The following FAP variants were observed in gnomAD, a reference collection of about 807,000 sequenced individuals.
The protein encoded by FAP is fibroblast activation protein alpha.
A neutral mutation model predicts 126.5 loss-of-function variants in FAP; 110 were observed. The observed-to-expected ratio is 0.87, with a 90% CI of 0.74 to 1.02. FAP has a LOEUF of 1.02. FAP is among the 50% of genes least tolerant of loss of function. The pLI is 0.00. For missense variants in FAP, 919 were observed against 909.2 expected, an observed-to-expected ratio of 1.01 and a Z score of -0.14; for synonymous variants, 334 against 297.3, an observed-to-expected ratio of 1.12 and a Z score of -1.27.
intron 16 of FAP, chr2:162,198,535 C>T (rs1389691379): frequency 2.8e-6 from 2 of 722,196 alleles, no homozygotes; most frequent in African/African-American, 1.8e-5. Flanking sequence ...GACCTTTTGG[C>T]AAGTTACCCT....
intron 8 of FAP, 120 bp from the exon 9 acceptor site, chr2:162,218,260 G>A (rs1249292902): frequency 3.1e-6 from 2 of 646,070 alleles, no homozygotes; most frequent in African/African-American, 1.9e-5. Context: ...TGTGACATAT[G>A]TCATACTTTG....
chr2:162,183,589 C>A, intron 20 of FAP, 121 bp from the exon 21 acceptor site: 1 of 663,990 alleles, frequency 1.5e-6, no homozygotes, highest in South Asian at 1.8e-5. Context: ...TGTTTAAACA[C>A]ATGCATAATA....
intron 17 of FAP, chr2:162,193,723 A>G (rs1339876761): frequency 6.6e-6 from 1 of 152,194 alleles, no homozygotes. Flanking sequence ...TCACAGTCCC[A>G]TTATCACAAT....
intron 2 of FAP, among the ~76,000 whole-genome samples, chr2:162,230,520 T>C (rs1411250806): frequency 5.3e-5 from 8 of 152,050 alleles, no homozygotes; most frequent in African/African-American, 1.9e-4. Flanking sequence ...TCAATAAATA[T>C]TTGCTGAATT....
intron 21 of FAP, among the ~76,000 whole-genome samples, chr2:162,181,251 T>C (rs1044750714): frequency 1.3e-5 from 2 of 151,900 alleles, no homozygotes; most frequent in African/African-American, 4.8e-5. Context: ...CACTCCAGCC[T>C]GGGCAACAGA....
At chr2:162,192,434 G>A (rs1222319623) in intron 17 of FAP, among the ~76,000 whole-genome samples, 2 of 151,758 alleles carry the variant, frequency 1.3e-5, no homozygotes, top group Admixed American at 1.3e-4. Flanking sequence ...CCCTCCTTCT[G>A]TTCCTTCTTG....
At chr2:162,227,460 A>G (rs533684084) in intron 2 of FAP, among the ~76,000 whole-genome samples, 1 of 152,290 alleles carries the variant, frequency 6.6e-6, no homozygotes, top group South Asian at 2.1e-4. Context: ...ATAATAAGGC[A>G]ACCAAAGCCC....
At position 162,218,135 on chromosome 2, in the gene FAP, T is replaced by C; in HGVS notation, c.613A>G (p.Met205Val). The C allele has an allele frequency of 6.3e-7, 1 of 1,598,094 alleles. No individual in the cohort carries two copies. Among genetic ancestry groups the C allele is most frequent in the Non-Finnish European group, 8.5e-7 (1 of 1,173,138 alleles). The change falls in exon 9 of 26, where the codon ATG (methionine) becomes GTG (valine). Residue 205 changes from methionine to valine, a missense_variant. Coordinates refer to ENST00000188790, the MANE Select transcript of FAP (RefSeq NM_004460.5). ...GIPDWVYEEE[M>V]LATKYALWWS... ...CAGAGAGCATATTTTGTAGCAAGCA[T>C]TTCCTCTGAAAAATAAGTACTAGGA...
intron 17 of FAP, among the ~76,000 whole-genome samples, chr2:162,190,392 G>GTA (rs1473682384): frequency 6.6e-6 from 1 of 151,480 alleles, no homozygotes; most frequent in Non-Finnish European, 1.5e-5. Context: ...TATATATTGT[G>GTA]TATACACACA....
At chr2:162,182,301 A>G (rs997965026) in intron 21 of FAP, among the ~76,000 whole-genome samples, 21 of 152,224 alleles carry the variant, frequency 1.4e-4, no homozygotes, top group African/African-American at 5.1e-4. Flanking sequence ...TTACATGTAC[A>G]TGTTCAACTT....
intron 21 of FAP, among the ~76,000 whole-genome samples, chr2:162,179,869 T>C (rs6739523): frequency 0.12 from 17,163 of 148,944 alleles, 2,211 homozygotes; most frequent in African/African-American, 0.27. Flanking sequence ...AGTACAATGG[T>C]GCAATCTCAG....
At chr2:162,181,799 G>A (rs1220739657) in intron 21 of FAP, among the ~76,000 whole-genome samples, 1 of 152,174 alleles carries the variant, frequency 6.6e-6, no homozygotes, top group Non-Finnish European at 1.5e-5. Context: ...TGTAGAAAAT[G>A]TACTATGTAG....
intron 9 of FAP, 66 bp downstream of exon 9, chr2:162,217,920 C>T: frequency 7.7e-7 from 1 of 1,303,278 alleles, no homozygotes; most frequent in Non-Finnish European, 1.1e-6. Flanking sequence ...CACCTTTACT[C>T]ATGGTAAATC....
intron 21 of FAP, among the ~76,000 whole-genome samples, chr2:162,179,212 T>C (rs1687597536): frequency 6.6e-6 from 1 of 151,908 alleles, no homozygotes; most frequent in Admixed American, 6.6e-5. Context: ...TCAAATACTT[T>C]TTGGTAATAC....
In FAP at chr2:162,189,897, T is replaced by C. The variant is rs1687980235; in HGVS notation, c.1451-143A>G. On this transcript the variant is annotated intron_variant, in intron 17 of 25. Coordinates refer to ENST00000188790, the MANE Select transcript of FAP (RefSeq NM_004460.5). ...AAGTGAAGTTTCATATTGACAAATG[T>C]ATTTATAATCCAGCCTTTAGAGCAG... 6 of 583,762 alleles carry C rather than the reference T, an allele frequency of 1.0e-5. No homozygotes were observed. The East Asian group carries it at 1.5e-4, about 14-fold the overall frequency. 36.2% of individuals were successfully genotyped at this position (583,762 alleles called of 1,614,324 possible). A position where few individuals can be genotyped will look rare whatever the true frequency, so the allele number is the denominator to read the frequency against.
chr2:162,199,647 C>A (rs3788972), intron 15 of FAP, among the ~76,000 whole-genome samples: 1 of 150,938 alleles, frequency 6.6e-6, no homozygotes, highest in South Asian at 2.1e-4. Context: ...CCCCATGGTG[C>A]CTGTCAGGGT....
chr2:162,197,932 C>T (rs376922248), intron 16 of FAP, among the ~76,000 whole-genome samples: 2 of 152,102 alleles, frequency 1.3e-5, no homozygotes, highest in East Asian at 1.9e-4. Context: ...TAGAGATTCC[C>T]GAGTCAGTTT....
intron 2 of FAP, 88 bp from the exon 3 acceptor site, chr2:162,226,709 TA>T: frequency 1.4e-6 from 1 of 692,218 alleles, no homozygotes; most frequent in Non-Finnish European, 2.5e-6. Context: ...TGTTCTTTCT[TA>T]TATAGTAATA....
intron 16 of FAP, chr2:162,198,511 T>G: frequency 1.5e-6 from 1 of 685,976 alleles, no homozygotes. Flanking sequence ...TGGCTGATGC[T>G]TAGCTGCAGT....
Sources: gnomAD v4.1 joint callset for allele counts (sites outside exome capture counted in the v4.1 genomes callset) on GRCh38, gnomAD v4.1.1 for gene constraint, MANE v1.5 for transcripts, NCBI Gene and HGNC (gene_info 2026-07-23, HGNC 2026-07-21) for gene names.